Variants in MPDZ observed in about 807,000 individuals in gnomAD.
MPDZ encodes the protein multiple PDZ domain crumbs cell polarity complex component.
In MPDZ, 234 loss-of-function variants were observed where a neutral mutation model predicts 239.1. The observed-to-expected ratio is 0.98, with a 90% confidence interval of 0.88 to 1.09. The LOEUF (loss-of-function observed/expected upper bound fraction) is 1.09, where lower values mean the gene tolerates loss of function less well. Among genes scored for constraint, MPDZ ranks in the 50% least tolerant of loss-of-function variants. The pLI is 0.00. For missense variants in MPDZ, 3,175 were observed against 2,510.0 expected (o/e 1.26, Z -5.66); for synonymous variants, 1,048 against 881.3 (o/e 1.19, Z -3.35).
At chr9:13,150,249 T>C (rs1948982418) in intron 25 of MPDZ, among the ~76,000 whole-genome samples, 1 of 151,958 alleles carries the variant, frequency 6.6e-6, no homozygotes, top group Non-Finnish European at 1.5e-5. Flanking sequence ...ACATATAATC[T>C]GTCATTATAT....
intron 21 of MPDZ, among the ~76,000 whole-genome samples, chr9:13,175,132 T>A (rs997806271): frequency 6.6e-6 from 1 of 152,198 alleles, no homozygotes; most frequent in Non-Finnish European, 1.5e-5. Context: ...TGTAACTCAA[T>A]GAGAGAACAA....
intron 1 of MPDZ, among the ~76,000 whole-genome samples, chr9:13,252,121 T>C (rs973250167): frequency 2.0e-5 from 3 of 152,166 alleles, no homozygotes; most frequent in African/African-American, 7.2e-5. Flanking sequence ...ATGCCGAGCA[T>C]TGCATTATTT....
At chr9:13,221,106 A>T (rs930585576) in intron 7 of MPDZ, among the ~76,000 whole-genome samples, 1 of 152,000 alleles carries the variant, frequency 6.6e-6, no homozygotes, top group Non-Finnish European at 1.5e-5. Context: ...CAATTATCAA[A>T]TCCATAACCT....
chr9:13,128,057 T>C (rs1945376882), intron 32 of MPDZ, among the ~76,000 whole-genome samples: 1 of 152,164 alleles, frequency 6.6e-6, no homozygotes, highest in South Asian at 2.1e-4. Flanking sequence ...TATTAGAATA[T>C]CTAGCCTTCC....
chr9:13,227,848 T>C (rs879766956), intron 3 of MPDZ, among the ~76,000 whole-genome samples: 14 of 152,156 alleles, frequency 9.2e-5, no homozygotes, highest in Middle Eastern at 3.2e-3. Context: ...AGATCACATA[T>C]TTAAAAACTA....
chr9:13,107,125 A>G lies in MPDZ; in HGVS notation c.6067-14T>C. On this transcript the variant is annotated splice_polypyrimidine_tract_variant and intron_variant, in intron 46 of 46. Transcript: ENST00000319217. Reference sequence around the variant, plus strand: ...AGAGGCTGCTCCCTGCAAATTATAAAGTAGACTTGTTTATTTCTCAAAAAA... The same window carrying G: ...AGAGGCTGCTCCCTGCAAATTATAAGGTAGACTTGTTTATTTCTCAAAAAA... 1.3e-6 allele frequency: 2 copies of G among 1,549,372 alleles called. No homozygotes were observed. The highest frequency in any genetic ancestry group is 2.7e-5 in the African/African-American group (2 of 73,606).
Position 13,135,773 on chromosome 9 carries a change from C to T in MPDZ, c.4383+319G>A, listed in dbSNP as rs1039441831. ...ATGCCCTCCGCTTGCAACATTTTTGCCCCCCAAATCTTCCAACATACACTT... is the reference window on the plus strand; with the variant it reads ...ATGCCCTCCGCTTGCAACATTTTTGTCCCCCAAATCTTCCAACATACACTT... On this transcript the variant is annotated intron_variant, in intron 31 of 46. Transcript: ENST00000319217. The T allele has an allele frequency of 6.3e-5, 11 of 174,054 alleles. No individual in the cohort carries two copies. In the Admixed American group the frequency reaches 6.9e-4, roughly 11 times the overall value. 10.8% of individuals were successfully genotyped at this position (174,054 alleles called of 1,614,324 possible).
intron 32 of MPDZ, among the ~76,000 whole-genome samples, chr9:13,131,508 C>A (rs1286792610): frequency 1.3e-5 from 2 of 152,106 alleles, no homozygotes; most frequent in African/African-American, 4.8e-5. Flanking sequence ...GTGACACCAC[C>A]TTGAAGCGAA....
chr9:13,196,015 A>C, intron 13 of MPDZ, 106 bp downstream of exon 13: 1 of 740,032 alleles, frequency 1.4e-6, no homozygotes, highest in Non-Finnish European at 2.1e-6. Context: ...AGGCCTGTAC[A>C]TTTGATTCTT....
At chr9:13,150,735 T>G (rs750460454) in intron 24 of MPDZ, 47 bp from the exon 25 acceptor site, 1 of 1,230,416 alleles carries the variant, frequency 8.1e-7, no homozygotes, top group Non-Finnish European at 1.0e-6. Context: ...ATCATAAGGG[T>G]AAAGCTTCAT....
At chr9:13,166,552 C>G (rs970348693) in intron 22 of MPDZ, among the ~76,000 whole-genome samples, 4 of 152,010 alleles carry the variant, frequency 2.6e-5, no homozygotes, top group Non-Finnish European at 4.4e-5. Context: ...TTTACATACA[C>G]GAGAGAGAGA....
rs766175923 is a variant in MPDZ at position 13,223,570 on chromosome 9, C to A, written c.533+1G>T. The stretch of plus-strand genomic sequence containing the variant: ...CAAAGAAGACGCCGCGACCATCTCA[C>A]CTATGGGCCACACTGCCCTCTTGTA... On this transcript the variant is annotated splice_donor_variant, in intron 5 of 46. Transcript: ENST00000319217. LOFTEE classifies it high-confidence loss of function. 6.2e-7 allele frequency: 1 copy of A among 1,609,834 alleles called. No homozygotes were observed.
chr9:13,186,287 TG>T lies in MPDZ; in HGVS notation c.2463del (p.Phe821LeufsTer15). On this transcript the variant is annotated frameshift_variant, in exon 18 of 47. Transcript: ENST00000319217. LOFTEE classifies it high-confidence loss of function. ...CCACTAACCAGAGCCAAGTCAGCCC[TG>T]AAGAGGGGTTTGTCAGCCAGCCCTG... ...EEAGLADKPL[F>X]RADLALVGTN... 1 of 1,589,296 alleles carries T rather than the reference TG, an allele frequency of 6.3e-7. No homozygotes were observed. The highest frequency in any genetic ancestry group is 8.6e-7 in the Non-Finnish European group (1 of 1,166,906).
intron 3 of MPDZ, among the ~76,000 whole-genome samples, chr9:13,232,493 T>C (rs1962780837): frequency 6.6e-6 from 1 of 152,018 alleles, no homozygotes; most frequent in African/African-American, 2.4e-5. Context: ...TTTATAAACA[T>C]ACACATGCAC....
chr9:13,267,812 T>C (rs1456650448), intron 1 of MPDZ, among the ~76,000 whole-genome samples: 1 of 152,096 alleles, frequency 6.6e-6, no homozygotes, highest in Non-Finnish European at 1.5e-5. Flanking sequence ...TCCTTAGCAT[T>C]CACCAGGCTA....
chr9:13,277,939 T>A (rs1478181445), intron 1 of MPDZ, among the ~76,000 whole-genome samples: 6 of 152,142 alleles, frequency 3.9e-5, no homozygotes, highest in African/African-American at 7.2e-5. Context: ...TTATACAAAT[T>A]TAGATAGTTC....
rs1272664215 is a variant in MPDZ, at chr9:13,147,548, C to A, written c.3741G>T (p.Arg1247Ser). The A allele has an allele frequency of 9.9e-6, 16 of 1,610,418 alleles. No homozygotes were observed. The highest frequency in any genetic ancestry group is 1.4e-5 in the Non-Finnish European group (16 of 1,177,196). ...TACCTTGCCCTTTGTGTTCGCTTAC[C>A]CTTGGTCTGTTTATAATGCTCTGTA... ...FMVQSIINRP[R>S]KSPLPSLLHN... The change falls in exon 26 of 47, where the codon AGG becomes AGT. Residue 1247 changes from arginine (R) to serine (S), a missense_variant and splice_region_variant. By Grantham distance (110) the Arg-to-Ser change is moderately radical. Coordinates refer to ENST00000319217, the MANE Select transcript of MPDZ (RefSeq NM_001378778.1).
intron 10 of MPDZ, among the ~76,000 whole-genome samples, chr9:13,209,276 A>C (rs1476858356): frequency 6.6e-6 from 1 of 152,172 alleles, no homozygotes; most frequent in Non-Finnish European, 1.5e-5. Flanking sequence ...CCTTAACCAC[A>C]CATGTGTGCA....
At chr9:13,183,673 G>A in intron 18 of MPDZ, 88 bp from the exon 19 acceptor site, 1 of 1,237,422 alleles carries the variant, frequency 8.1e-7, no homozygotes, top group Non-Finnish European at 1.2e-6. Context: ...AAGGCAAACT[G>A]GTATCATTCT....
Sources: gnomAD v4.1 joint callset for allele counts (sites outside exome capture counted in the v4.1 genomes callset) on GRCh38, gnomAD v4.1.1 for gene constraint, MANE v1.5 for transcripts, NCBI Gene and HGNC (gene_info 2026-07-23, HGNC 2026-07-21) for gene names.